Variants in PTCD3 observed in about 807,000 individuals in gnomAD.
PTCD3 encodes pentatricopeptide repeat domain 3.
PTCD3 carries 89 observed loss-of-function variants against 101.9 expected under a neutral mutation model. The ratio of observed to expected loss-of-function variants is 0.87; its 90% CI spans 0.74 to 1.04. PTCD3 has a LOEUF of 1.04. Among genes scored for constraint, PTCD3 ranks in the 50% least tolerant of loss-of-function variants. The pLI is 0.00. For missense variants in PTCD3, 870 were observed against 828.2 expected, an observed-to-expected ratio of 1.05 and a Z score of -0.62; for synonymous variants, 296 against 278.5, an observed-to-expected ratio of 1.06 and a Z score of -0.63.
intron 5 of PTCD3, 98 bp from the exon 6 acceptor site, chr2:86,116,957 G>GTTTTTT: frequency 1.6e-6 from 1 of 609,098 alleles, no homozygotes; most frequent in Non-Finnish European, 3.0e-6. Context: ...TGTTGCATTT[G>GTTTTTT]TTTTTTTTTG....
intron 3 of PTCD3, chr2:86,108,788 A>G (rs1287066328): frequency 4.9e-6 from 2 of 404,962 alleles, no homozygotes; most frequent in Non-Finnish European, 8.9e-6. Flanking sequence ...GTTACTATTT[A>G]CGTGGTTAAT....
rs769502475 is a variant in PTCD3, at chr2:86,125,450, T to C, written c.805-5T>C. The C allele has an allele frequency of 6.2e-7, 1 of 1,611,548 alleles. No individual in the cohort carries two copies. The highest frequency in any genetic ancestry group is 8.5e-7 in the Non-Finnish European group (1 of 1,177,660). On this transcript the variant is annotated splice_polypyrimidine_tract_variant and splice_region_variant and intron_variant, in intron 10 of 23. Transcript: ENST00000254630. ...TTTGATGATGCTTAATTTTTCCTTT[T>C]CCAGCACCGAGCTTATGAGCAGGCA...
Position 86,116,996 on chromosome 2 carries a change from G to C in PTCD3, c.310-59G>C, listed in dbSNP as rs995592271. On this transcript the variant is annotated intron_variant, in intron 5 of 23. Coordinates refer to ENST00000254630, the MANE Select transcript of PTCD3 (RefSeq NM_017952.6). ...GGGGGGAGAAATTCTTGCTGAGAGT[G>C]TAACTATAATCTTGCTTGAGTTTAA... is the stretch of plus-strand genomic sequence containing the variant. 14 of 747,876 alleles carry C rather than the reference G, an allele frequency of 1.9e-5. No homozygotes were observed. In the Admixed American group the frequency reaches 2.7e-4, roughly 15 times the overall value. 46.3% of individuals were successfully genotyped at this position (747,876 alleles called of 1,614,324 possible).
intron 15 of PTCD3, 101 bp downstream of exon 15, chr2:86,130,838 T>C: frequency 7.4e-6 from 1 of 134,384 alleles, no homozygotes; most frequent in Non-Finnish European, 1.2e-5. Context: ...CTTAGAAGTA[T>C]TTTTTTTTTT....
At chr2:86,133,075 G>T in intron 17 of PTCD3, 103 bp from the exon 18 acceptor site, 2 of 1,461,000 alleles carry the variant, frequency 1.4e-6, no homozygotes, top group South Asian at 1.5e-5. Flanking sequence ...TAAGTATTTT[G>T]AAATTCTTTG....
At chr2:86,117,867 C>T (rs1444505741) in intron 6 of PTCD3, among the ~76,000 whole-genome samples, 1 of 152,140 alleles carries the variant, frequency 6.6e-6, no homozygotes. Context: ...GCCTCTGCCG[C>T]CCGGGTTCAA....
At chr2:86,133,147 A>G (rs749973145) in intron 17 of PTCD3, 31 bp from the exon 18 acceptor site, 5 of 1,608,524 alleles carry the variant, frequency 3.1e-6, no homozygotes, top group Middle Eastern at 1.9e-4. Context: ...TAGGGACTTT[A>G]GACTAAACAT....
intron 6 of PTCD3, among the ~76,000 whole-genome samples, chr2:86,117,920 G>GT (rs1373641402): frequency 6.6e-6 from 1 of 152,060 alleles, no homozygotes; most frequent in Non-Finnish European, 1.5e-5. Flanking sequence ...GGGATTACAG[G>GT]TGCCTGCCAC....
At position 86,107,712 on chromosome 2, in the gene PTCD3, C is replaced by T. The variant is rs926403596; in HGVS notation, c.105-638C>T. On this transcript the variant is annotated intron_variant, in intron 1 of 23. Transcript: ENST00000254630. ...TCAGGCCTTATGTATTTGGTACATT[C>T]TTGATTGTTGAAAGAAGTGGAATGA... Among the ~76,000 whole-genome samples, 6 of 152,134 alleles carry T rather than the reference C, an allele frequency of 3.9e-5. No individual in the cohort carries two copies. In the East Asian group the frequency reaches 1.2e-3, roughly 29 times the overall value.
chr2:86,127,279 T>C lies in PTCD3; in HGVS notation c.1070T>C (p.Leu357Ser). The change falls in exon 13 of 24, where the codon TTA becomes TCA. Residue 357 changes from leucine (L) to serine (S), a missense_variant. Transcript: ENST00000254630. Reference protein sequence around the residue: ...VFARSPALQVLREMKAIGIEP... With the variant: ...VFARSPALQVSREMKAIGIEP... ...GCAAGATCGCCAGCCTTACAGGTTT[T>C]ACGTGAAATGAAAGCCATTGGAATA... is the stretch of plus-strand genomic sequence containing the variant. The C allele has an allele frequency of 6.2e-7, 1 of 1,614,150 alleles. No individual in the cohort carries two copies. Among genetic ancestry groups the C allele is most frequent in the Non-Finnish European group, 8.5e-7 (1 of 1,180,018 alleles).
At chr2:86,125,554 CCTT>C (rs1388344821) in intron 11 of PTCD3, 39 bp downstream of exon 11, 1 of 1,553,368 alleles carries the variant, frequency 6.4e-7, no homozygotes, top group Non-Finnish European at 8.9e-7. Context: ...TTCTCCATTT[CCTT>C]CTTTTAATTG....
intron 21 of PTCD3, 98 bp from the exon 22 acceptor site, chr2:86,136,423 A>T: frequency 8.4e-7 from 1 of 1,188,006 alleles, no homozygotes. Flanking sequence ...AGTTAAGAAA[A>T]GGGCATTTAG....
chr2:86,106,299 C>T lies in PTCD3; in HGVS notation c.52C>T (p.Gln18Ter), dbSNP rs750341904. 5 of 1,613,956 alleles carry T rather than the reference C, an allele frequency of 3.1e-6. No individual in the cohort carries two copies. The South Asian group carries it at 3.3e-5, about 11-fold the overall frequency. ...GCTGGGCCTCCGCAGCAGGCTTGGC[C>T]AGCCGCTGACGGGTCGGCGGGCGGG... ...RWLGLRSRLG[Q>*]PLTGRRAGLC... Residue 18 changes from glutamine (Q) to a stop codon, truncating the protein, a stop_gained, in exon 1 of 24, where the codon CAG (glutamine) becomes TAG (stop). Transcript: ENST00000254630. LOFTEE classifies it high-confidence loss of function.
At chr2:86,114,021 CAATGAG>C (rs145361684) in intron 4 of PTCD3, among the ~76,000 whole-genome samples, 10,088 of 152,018 alleles carry the variant, frequency 0.066, 1,104 homozygotes, top group African/African-American at 0.23. Flanking sequence ...CTCAACATTT[CAATGAG>C]AATGGCCCAG....
chr2:86,110,417 G>A (rs1674056008), intron 3 of PTCD3, among the ~76,000 whole-genome samples: 2 of 152,152 alleles, frequency 1.3e-5, no homozygotes, highest in African/African-American at 4.8e-5. Flanking sequence ...AATACTCTTG[G>A]TATAATTCCC....
In PTCD3 at chr2:86,125,867, G is replaced by T. The variant is rs1674374627; in HGVS notation, c.938G>T (p.Trp313Leu). Reference sequence around the variant, plus strand: ...ATAAATGAGAAATTTGAGGAAAAATGGAGTAAAATACTGGTAAGGAGGAAT... The same window carrying T: ...ATAAATGAGAAATTTGAGGAAAAATTGAGTAAAATACTGGTAAGGAGGAAT... ...CAINEKFEEK[W>L]SKILELLRHM... Residue 313 changes from tryptophan (W) to leucine (L), a missense_variant, in exon 12 of 24, where the codon TGG (tryptophan) becomes TTG (leucine). Physicochemically the swap from Trp to Leu is moderately conservative, Grantham distance 61 (BLOSUM62 -2). Coordinates refer to ENST00000254630, the MANE Select transcript of PTCD3 (RefSeq NM_017952.6). 3.1e-6 allele frequency: 5 copies of T among 1,599,872 alleles called. No individual in the cohort carries two copies. Among genetic ancestry groups the T allele is most frequent in the Non-Finnish European group, 4.3e-6 (5 of 1,167,206 alleles).
chr2:86,135,059 T>C (rs552772368), intron 21 of PTCD3, 72 bp downstream of exon 21: 249 of 1,479,836 alleles, frequency 1.7e-4, no homozygotes, highest in Non-Finnish European at 2.2e-4. Flanking sequence ...CCCACGCTGG[T>C]AGAGGTTCTT....
intron 14 of PTCD3, among the ~76,000 whole-genome samples, chr2:86,130,312 A>T (rs963072571): frequency 8.5e-5 from 13 of 152,068 alleles, no homozygotes; most frequent in Admixed American, 2.0e-4. Context: ...AAAAAAAAAA[A>T]TTTTGTTTTT....
chr2:86,113,237 T>C (rs1445070887), intron 4 of PTCD3, among the ~76,000 whole-genome samples: 1 of 152,254 alleles, frequency 6.6e-6, no homozygotes, highest in Non-Finnish European at 1.5e-5. Flanking sequence ...GTTGATTTCA[T>C]TGACATGAAA....
Sources: gnomAD v4.1 joint callset for allele counts (sites outside exome capture counted in the v4.1 genomes callset) on GRCh38, gnomAD v4.1.1 for gene constraint, MANE v1.5 for transcripts, NCBI Gene and HGNC (gene_info 2026-07-23, HGNC 2026-07-21) for gene names.